IL16: variants seen among roughly 807,000 people sequenced by gnomAD.
IL16 encodes interleukin 16.
IL16 carries 67 observed loss-of-function variants against 110.1 expected under a neutral mutation model. That is an observed-to-expected ratio of 0.61 (90% CI 0.50 to 0.75). IL16 has a LOEUF of 0.75. Ranked by LOEUF, IL16 falls within the 30% of genes least tolerant of loss-of-function variation. The pLI is 0.00. For missense variants in IL16, 1,545 were observed against 1,655.0 expected, an observed-to-expected ratio of 0.93 and a Z score of 1.15; for synonymous variants, 689 against 662.9, an observed-to-expected ratio of 1.04 and a Z score of -0.61.
At chr15:81,232,059 T>G (rs1595974510) in intron 2 of IL16, among the ~76,000 whole-genome samples, 2 of 142,780 alleles carry the variant, frequency 1.4e-5, no homozygotes, top group Middle Eastern at 7.1e-3. Flanking sequence ...TTTTTTTTTT[T>G]TTTTTTTCTT....
At chr15:81,218,198 A>G (rs1896497021) in intron 1 of IL16, among the ~76,000 whole-genome samples, 2 of 152,164 alleles carry the variant, frequency 1.3e-5, no homozygotes, top group South Asian at 4.1e-4. Flanking sequence ...TACAAAAGTC[A>G]CTTATGTATA....
intron 2 of IL16, among the ~76,000 whole-genome samples, chr15:81,231,314 A>AGGTC (rs909092720): frequency 1.1e-5 from 1 of 90,656 alleles, no homozygotes; most frequent in African/African-American, 3.8e-5. Context: ...GATCTACCCA[A>AGGTC]GGTCGGTCTG....
In IL16 at chr15:81,300,447, T is replaced by C; in HGVS notation, c.3121T>C (p.Ser1041Pro). The C allele has an allele frequency of 6.2e-7, 1 of 1,614,082 alleles. No individual in the cohort carries two copies. Among genetic ancestry groups the C allele is most frequent in the Non-Finnish European group, 8.5e-7 (1 of 1,179,964 alleles). The change falls in exon 14 of 19, where the codon TCT becomes CCT. Residue 1041 changes from serine to proline, a missense_variant. This residue lies in a region of IL16 where 356 missense variants were observed against 399.3 expected (regional missense o/e 0.89). Coordinates refer to ENST00000683961, the MANE Select transcript of IL16 (RefSeq NM_172217.5). ...DSAANGSAET[S>P]ALDTGFSLNL... ...AGCTGCAAATGGTTCTGCTGAAACA[T>C]CTGCCTTGGACACAGGGTTCTCGCT...
intron 3 of IL16, among the ~76,000 whole-genome samples, chr15:81,264,614 C>T (rs904405072): frequency 2.6e-5 from 4 of 152,188 alleles, no homozygotes; most frequent in African/African-American, 7.2e-5. Flanking sequence ...TCCATTCACT[C>T]GAGCCTCACT....
Position 81,293,033 on chromosome 15 carries a change from G to A in IL16, c.1898G>A (p.Gly633Asp). 6.2e-7 allele frequency: 1 copy of A among 1,604,192 alleles called. No homozygotes were observed. The highest frequency in any genetic ancestry group is 8.5e-7 in the Non-Finnish European group (1 of 1,178,086). ...CSSGHTPPTC[G>D]QEARELLPLL... ...TCTGGGCACACCCCACCCACCTGTGGCCAGGTAAGAGGATGGGTCCACAGG... is the reference window on the plus strand; with the variant it reads ...TCTGGGCACACCCCACCCACCTGTGACCAGGTAAGAGGATGGGTCCACAGG... Residue 633 changes from glycine to aspartate, a missense_variant, in exon 12 of 19, where the codon GGC becomes GAC. Transcript: ENST00000683961.
intron 2 of IL16, among the ~76,000 whole-genome samples, chr15:81,230,049 G>A (rs1237674772): frequency 1.3e-5 from 2 of 152,156 alleles, no homozygotes; most frequent in Non-Finnish European, 2.9e-5. Flanking sequence ...ATGTGCCAAA[G>A]CGGGGCATGG....
rs1433579079 is a variant in IL16, at chr15:81,313,904, A to G, written c.*5106A>G. On this transcript the variant is annotated 3_prime_UTR_variant, in exon 19 of 19. Transcript: ENST00000683961. ...TTTTCCGGAGGTTACATGATATGTGATATTGCAACAGACTACACGCACAAG... is the reference window on the plus strand; with the variant it reads ...TTTTCCGGAGGTTACATGATATGTGGTATTGCAACAGACTACACGCACAAG... 2 of 152,180 alleles carry G rather than the reference A, an allele frequency of 1.3e-5. No homozygotes were observed. The highest frequency in any genetic ancestry group is 4.8e-5 in the African/African-American group (2 of 41,422). The allele number at this position is 152,180 out of a possible 1,614,324, so 9.4% of individuals were successfully genotyped here.
At position 81,306,134 on chromosome 15, in the gene IL16, C is replaced by T; in HGVS notation, c.3647C>T (p.Ala1216Val). The change falls in exon 17 of 19, where the codon GCC becomes GTC. Residue 1216 changes from alanine (A) to valine (V), a missense_variant. By Grantham distance (64) the Ala-to-Val change is moderately conservative. Transcript: ENST00000683961. Reference sequence around the variant, plus strand: ...TCCTCCACTGACTCTGCAGCCTCAGCCTCTGCAGCCAGTGATGTTTCTGTA... The same window carrying T: ...TCCTCCACTGACTCTGCAGCCTCAGTCTCTGCAGCCAGTGATGTTTCTGTA... ...LNSSTDSAAS[A>V]SAASDVSVES... The T allele has an allele frequency of 6.2e-7, 1 of 1,614,134 alleles. No homozygotes were observed. Among genetic ancestry groups the T allele is most frequent in the Non-Finnish European group, 8.5e-7 (1 of 1,180,024 alleles).
rs777610717 is a variant in IL16, at chr15:81,299,533, T to C, written c.2207T>C (p.Met736Thr). 21 of 1,614,042 alleles carry C rather than the reference T, an allele frequency of 1.3e-5. No homozygotes were observed. The highest frequency in any genetic ancestry group is 1.7e-5 in the Admixed American group (1 of 60,002). ...ATCATGAGTGAGAACCATGGCCACA[T>C]GCCTCTACAGCCCAATGCCAGCCTG... is the stretch of plus-strand genomic sequence containing the variant. ...SPIMSENHGHMPLQPNASLNE... is the reference protein window; with the variant it reads ...SPIMSENHGHTPLQPNASLNE... The change falls in exon 14 of 19, where the codon ATG becomes ACG. Residue 736 changes from methionine (M) to threonine (T), a missense_variant. Met to Thr is a moderately conservative substitution (Grantham distance 81). Transcript: ENST00000683961.
upstream of IL16, among the ~76,000 whole-genome samples, chr15:81,195,645 G>A (rs1394320458): frequency 6.6e-6 from 1 of 152,102 alleles, no homozygotes; most frequent in East Asian, 1.9e-4. Context: ...GAATTTCAAG[G>A]GCTTCCTACA....
At chr15:81,188,587 T>C (rs1466046595) in intron 1 of IL16, among the ~76,000 whole-genome samples, 1 of 152,180 alleles carries the variant, frequency 6.6e-6, no homozygotes. Context: ...GGACCAGTGC[T>C]CTTTTCAATG....
intron 5 of IL16, among the ~76,000 whole-genome samples, chr15:81,271,061 C>T (rs531398301): frequency 9.2e-5 from 14 of 152,172 alleles, no homozygotes; most frequent in East Asian, 3.9e-4. Flanking sequence ...CACCAAAACC[C>T]GGGCATTGTG....
intron 1 of IL16, among the ~76,000 whole-genome samples, chr15:81,205,515 A>G (rs1895984847): frequency 6.6e-6 from 1 of 152,174 alleles, no homozygotes; most frequent in Non-Finnish European, 1.5e-5. Context: ...ATATCAAATA[A>G]AATGAATGAA....
At chr15:81,200,790 A>T (rs181170744) in intron 1 of IL16, among the ~76,000 whole-genome samples, 2 of 152,334 alleles carry the variant, frequency 1.3e-5, no homozygotes, top group East Asian at 3.9e-4. Flanking sequence ...CTCTTTCAAA[A>T]AGATGGCCTT....
chr15:81,300,204 C>A lies in IL16; in HGVS notation c.2878C>A (p.Pro960Thr). The change falls in exon 14 of 19, where the codon CCT becomes ACT. Residue 960 changes from proline to threonine, a missense_variant. Around this residue, in one of 3 missense-constraint regions of IL16, gnomAD observed 1,185 missense variants for 1,238.8 expected, o/e 0.96. Transcript: ENST00000683961. ...EESQGPVLKM[P>T]SQRARSFPLT... ...ATCTCAAGGCCCAGTGCTCAAGATGCCTAGCCAGCGAGCACGGAGCTTCCC... is the reference window on the plus strand; with the variant it reads ...ATCTCAAGGCCCAGTGCTCAAGATGACTAGCCAGCGAGCACGGAGCTTCCC... 2.5e-6 allele frequency: 4 copies of A among 1,614,210 alleles called. No individual in the cohort carries two copies. The highest frequency in any genetic ancestry group is 3.4e-6 in the Non-Finnish European group (4 of 1,180,042).
chr15:81,299,955 A>C lies in IL16; in HGVS notation c.2629A>C (p.Lys877Gln). Residue 877 changes from lysine to glutamine, a missense_variant, in exon 14 of 19, where the codon AAG becomes CAG. Coordinates refer to ENST00000683961, the MANE Select transcript of IL16 (RefSeq NM_172217.5). ...TGGGGAGGCAGCAAAACCTCTTGGG[A>C]AGCATGAGGAAGGACGGTTTTCTGG... ...SSGEAAKPLG[K>Q]HEEGRFSGLL... 1 of 1,610,168 alleles carries C rather than the reference A, an allele frequency of 6.2e-7. No individual in the cohort carries two copies. The highest frequency in any genetic ancestry group is 2.2e-5 in the East Asian group (1 of 44,820).
At chr15:81,231,324 GTCTCTCTCTCTCTCTCTCTCTCTC>G (rs532872365) in intron 2 of IL16, among the ~76,000 whole-genome samples, 9 of 47,144 alleles carry the variant, frequency 1.9e-4, no homozygotes, top group East Asian at 1.5e-3. Context: ...AGGTCGGTCT[GTCTCTCTCTCTCTCTCTCTCTCTC>G]TCTCTCTCTC....
In IL16 at chr15:81,225,690, T is replaced by C. The variant is rs368785024; in HGVS notation, c.291T>C (p.Cys97=). ...QAAGNDRGKT[C]RRIFFMKESS... ...CTGGGAATGATCGAGGCAAGACCTGTAGGAGGATATTCTTCATGAAGGTAT... is the reference window on the plus strand; with the variant it reads ...CTGGGAATGATCGAGGCAAGACCTGCAGGAGGATATTCTTCATGAAGGTAT... The change falls in exon 2 of 19, where the codon TGT becomes TGC. Residue 97 remains cysteine, a synonymous_variant. Transcript: ENST00000683961. The C allele has an allele frequency of 6.2e-7, 1 of 1,609,680 alleles. No individual in the cohort carries two copies.
At chr15:81,201,856 T>C (rs1895828687) in intron 1 of IL16, among the ~76,000 whole-genome samples, 1 of 152,212 alleles carries the variant, frequency 6.6e-6, no homozygotes, top group South Asian at 2.1e-4. Context: ...ATGTTTTGTT[T>C]TCCAATTCTA....
Sources: gnomAD v4.1 joint callset for allele counts (sites outside exome capture counted in the v4.1 genomes callset) on GRCh38, gnomAD v4.1.1 for gene constraint, gnomAD v4.1.1 regional missense constraint, MANE v1.5 for transcripts, NCBI Gene and HGNC (gene_info 2026-07-23, HGNC 2026-07-21) for gene names.